The following PIAS3 variants were observed in gnomAD, a reference collection of about 807,000 sequenced individuals.
The protein encoded by PIAS3 is protein inhibitor of activated STAT 3.
Under a neutral mutation model 67.6 loss-of-function variants are expected in PIAS3, and 34 were observed. The ratio of observed to expected loss-of-function variants is 0.50; its 90% CI spans 0.38 to 0.67. PIAS3 has a LOEUF of 0.67. Among genes scored for constraint, PIAS3 ranks in the 30% least tolerant of loss-of-function variants. The pLI is 0.00. For missense variants in PIAS3, 693 were observed against 791.6 expected (o/e 0.88, Z 1.49); for synonymous variants, 341 against 313.8 (o/e 1.09, Z -0.92).
At position 145,854,815 on chromosome 1, in the gene PIAS3, T is replaced by C; in HGVS notation, c.735A>G (p.Thr245=). ...PKRPSRPINI[T]PLARLSATVP... ...CAGTGGCTGAGAGTCGAGCCAGGGGTGTGATGTTGATGGGGCGGCTGGGCC... is the reference window on the plus strand; with the variant it reads ...CAGTGGCTGAGAGTCGAGCCAGGGGCGTGATGTTGATGGGGCGGCTGGGCC... The change falls in exon 6 of 14, where the codon ACA becomes ACG. Residue 245 remains threonine, a synonymous_variant. Transcript: ENST00000393045. 1 of 1,613,598 alleles carries C rather than the reference T, an allele frequency of 6.2e-7. No homozygotes were observed. Among genetic ancestry groups the C allele is most frequent in the Non-Finnish European group, 8.5e-7 (1 of 1,179,898 alleles).
At chr1:145,853,741 G>T in intron 8 of PIAS3, 72 bp downstream of exon 8, 1 of 1,606,584 alleles carries the variant, frequency 6.2e-7, no homozygotes, top group Non-Finnish European at 8.5e-7. Context: ...GTATCCCTAG[G>T]AACCCTCATC....
intron 11 of PIAS3, 33 bp downstream of exon 11, chr1:145,850,738 G>A (rs370170794): frequency 1.9e-4 from 302 of 1,611,054 alleles, no homozygotes; most frequent in Non-Finnish European, 2.4e-4. Flanking sequence ...TCCCCTGTCC[G>A]TTTTGCTGTA....
Position 145,848,890 on chromosome 1 carries a change from C to CTTAT in PIAS3, c.*552_*555dup, listed in dbSNP as rs1416647834. On this transcript the variant is annotated 3_prime_UTR_variant, in exon 14 of 14. Coordinates refer to ENST00000393045, the MANE Select transcript of PIAS3 (RefSeq NM_006099.3). ...TCATCTTTGGAGTATTTTGGTTTTTCTTATTTATGTACAAAAAAGTCCACA... is the reference window on the plus strand; with the variant it reads ...TCATCTTTGGAGTATTTTGGTTTTTCTTATTTATTTATGTACAAAAAAGTCCACA... 1.8e-5 allele frequency: 3 copies of CTTAT among 165,456 alleles called. No homozygotes were observed. The highest frequency in any genetic ancestry group is 7.2e-5 in the African/African-American group (3 of 41,884). 10.2% of individuals were successfully genotyped at this position (165,456 alleles called of 1,614,324 possible).
intron 9 of PIAS3, among the ~76,000 whole-genome samples, 172 bp downstream of exon 9, chr1:145,853,332 C>G (rs1318187380): frequency 6.6e-6 from 1 of 151,594 alleles, no homozygotes; most frequent in Non-Finnish European, 1.5e-5. Context: ...ATCGCCTGAA[C>G]CCGGGAGGTG....
chr1:145,849,331 G>T lies in PIAS3; in HGVS notation c.*115C>A. On this transcript the variant is annotated 3_prime_UTR_variant, in exon 14 of 14. Transcript: ENST00000393045. Reference sequence around the variant, plus strand: ...GAGGCCAAAAGTAGGCATCTGTGAAGGTCTGTCTGGCCCTTGGCCAGAGCC... The same window carrying T: ...GAGGCCAAAAGTAGGCATCTGTGAATGTCTGTCTGGCCCTTGGCCAGAGCC... 9.0e-7 allele frequency: 1 copy of T among 1,105,798 alleles called. No individual in the cohort carries two copies. The highest frequency in any genetic ancestry group is 1.2e-6 in the Non-Finnish European group (1 of 830,728). 68.5% of individuals were successfully genotyped at this position (1,105,798 alleles called of 1,614,324 possible).
At chr1:145,850,021 G>C (rs1027531656) in intron 13 of PIAS3, 5 of 1,442,036 alleles carry the variant, frequency 3.5e-6, no homozygotes, top group Non-Finnish European at 4.5e-6. Context: ...GGCCAGGGCA[G>C]AAAAGTAACA....
intron 4 of PIAS3, 71 bp from the exon 5 acceptor site, chr1:145,855,897 G>T: frequency 1.7e-6 from 2 of 1,154,652 alleles, no homozygotes; most frequent in Non-Finnish European, 2.6e-6. Flanking sequence ...GAGAGACAGG[G>T]AACCCCAGAA....
At chr1:145,858,586 G>A (rs1017118545) in intron 1 of PIAS3, among the ~76,000 whole-genome samples, 5 of 148,992 alleles carry the variant, frequency 3.4e-5, no homozygotes, top group Admixed American at 1.3e-4. Flanking sequence ...ATCCCTGCAT[G>A]TGCCCCCTAC....
intron 1 of PIAS3, 86 bp from the exon 2 acceptor site, chr1:145,857,092 G>T: frequency 8.4e-7 from 1 of 1,189,500 alleles, no homozygotes; most frequent in Non-Finnish European, 1.2e-6. Flanking sequence ...CAGGTGGGCA[G>T]TGCCTTTCTC....
In PIAS3 at chr1:145,851,032, A is replaced by G; in HGVS notation, c.1267T>C (p.Tyr423His). ...GGGGGTCACTCACCATCCAGCCCATACCCTGGCGGGGGGCAAACCTCAGAT... is the reference window on the plus strand; with the variant it reads ...GGGGGTCACTCACCATCCAGCCCATGCCCTGGCGGGGGGCAAACCTCAGAT... ...EASEVCPPPGYGLDGLQYSPV... is the reference protein window; with the variant it reads ...EASEVCPPPGHGLDGLQYSPV... The change falls in exon 10 of 14, where the codon TAT becomes CAT. Residue 423 changes from tyrosine (Y) to histidine (H), a missense_variant. By Grantham distance (83) the Tyr-to-His change is moderately conservative. This residue lies in a region of PIAS3 where 270 missense variants were observed against 261.0 expected (regional missense o/e 1.03). Transcript: ENST00000393045. 1.9e-6 allele frequency: 3 copies of G among 1,614,048 alleles called. No individual in the cohort carries two copies. Among genetic ancestry groups the G allele is most frequent in the Non-Finnish European group, 2.5e-6 (3 of 1,180,004 alleles).
intron 13 of PIAS3, 94 bp downstream of exon 13, chr1:145,850,138 C>T: frequency 6.3e-7 from 1 of 1,591,318 alleles, no homozygotes. Flanking sequence ...AGCAGATTTA[C>T]ATCCCCAGAG....
rs1184802675 is a variant in PIAS3 at position 145,850,153 on chromosome 1, TAA to T, written c.1620+77_1620+78del. On this transcript the variant is annotated intron_variant, in intron 13 of 13. Coordinates refer to ENST00000393045, the MANE Select transcript of PIAS3 (RefSeq NM_006099.3). ...AGCAGATTTACATCCCCAGAGATCA[TAA>T]GAGAGGGAGGGGCCCCATCAGTGTC... 1.7e-5 allele frequency: 27 copies of T among 1,606,666 alleles called. No individual in the cohort carries two copies. The Admixed American group carries it at 3.4e-4, about 21-fold the overall frequency.
chr1:145,853,429 GA>G (rs1653039691), intron 9 of PIAS3, 74 bp downstream of exon 9: 2 of 1,124,812 alleles, frequency 1.8e-6, no homozygotes, highest in Non-Finnish European at 2.5e-6. Flanking sequence ...AAAAAGAAAA[GA>G]AAAAGAAAAA....
chr1:145,859,000 T>C lies in PIAS3; in HGVS notation c.-10A>G. ...CGCCCAGCTCCGCCATCTTGAGACA[T>C]CGCAGGCGCCCCAGCCGGAGCCGGA... is the stretch of plus-strand genomic sequence containing the variant. On this transcript the variant is annotated 5_prime_UTR_variant, in exon 1 of 14. It removes an upstream start codon present in the reference 5' UTR. Coordinates refer to ENST00000393045, the MANE Select transcript of PIAS3 (RefSeq NM_006099.3). The C allele has an allele frequency of 1.3e-6, 2 of 1,543,344 alleles. No individual in the cohort carries two copies. Among genetic ancestry groups the C allele is most frequent in the Non-Finnish European group, 1.7e-6 (2 of 1,145,844 alleles).
intron 5 of PIAS3, 134 bp downstream of exon 5, chr1:145,855,602 T>A: frequency 3.0e-6 from 2 of 656,404 alleles, no homozygotes; most frequent in Non-Finnish European, 5.5e-6. Flanking sequence ...TTCTATTGAT[T>A]CAGTCAGTAA....
chr1:145,848,626 G>A lies in PIAS3; in HGVS notation c.*820C>T. Reference sequence around the variant, plus strand: ...AGGCCTTGGCGAGCCTGAAAAAGAAGATTGGGAAGGAGGGCACAGGGTCCT... The same window carrying A: ...AGGCCTTGGCGAGCCTGAAAAAGAAAATTGGGAAGGAGGGCACAGGGTCCT... On this transcript the variant is annotated 3_prime_UTR_variant, in exon 14 of 14. Transcript: ENST00000393045. 1.6e-6 allele frequency: 1 copy of A among 642,440 alleles called. No individual in the cohort carries two copies. The highest frequency in any genetic ancestry group is 2.7e-5 in the East Asian group (1 of 36,788). 39.8% of individuals were successfully genotyped at this position (642,440 alleles called of 1,614,324 possible). A position where few individuals can be genotyped will look rare whatever the true frequency, so the allele number is the denominator to read the frequency against.
chr1:145,849,528 G>GC lies in PIAS3; in HGVS notation c.1804dup (p.Ala602GlyfsTer42), dbSNP rs782068335. 21 of 1,580,104 alleles carry GC rather than the reference G, an allele frequency of 1.3e-5. No homozygotes were observed. The highest frequency in any genetic ancestry group is 4.6e-5 in the East Asian group (2 of 43,758). The stretch of plus-strand genomic sequence containing the variant: ...GGGTCCTCCATGCCCCTCCCTCAAG[G>GC]CCCCCCCAGGGGCCACAATGCTGCT... On this transcript the variant is annotated frameshift_variant, in exon 14 of 14. Transcript: ENST00000393045. LOFTEE classifies it high-confidence loss of function.
At position 145,856,903 on chromosome 1, in the gene PIAS3, T is replaced by C. The variant is rs1419670592; in HGVS notation, c.128A>G (p.His43Arg). The C allele has an allele frequency of 6.2e-7, 1 of 1,614,088 alleles. No homozygotes were observed. Among genetic ancestry groups the C allele is most frequent in the African/African-American group, 1.3e-5 (1 of 75,012 alleles). The change falls in exon 2 of 14, where the codon CAC becomes CGC. Residue 43 changes from histidine (H) to arginine (R), a missense_variant. His to Arg is a conservative substitution (Grantham distance 29, BLOSUM62 0). This residue lies in a region of PIAS3 where 308 missense variants were observed against 348.8 expected (regional missense o/e 0.88). Coordinates refer to ENST00000393045, the MANE Select transcript of PIAS3 (RefSeq NM_006099.3). ...AGGGGCACAGCTGGACTTCAGGAGG[T>C]GCAGAGCCTTGGCCAGGAGCTCGTG... ...RKHELLAKAL[H>R]LLKSSCAPSV...
chr1:145,858,954 A>G lies in PIAS3; in HGVS notation c.24+13T>C. 6.6e-7 allele frequency: 1 copy of G among 1,520,854 alleles called. No individual in the cohort carries two copies. Among genetic ancestry groups the G allele is most frequent in the Admixed American group, 2.2e-5 (1 of 44,776 alleles). The allele number at this position is 1,520,854 out of a possible 1,614,324, so 94.2% of individuals were successfully genotyped here. ...GCTGAGTCCAGATGGGGATGGGGGG[A>G]GGGGGCCGGTACCTTTAATTCGCCC... On this transcript the variant is annotated intron_variant, in intron 1 of 13. Coordinates refer to ENST00000393045, the MANE Select transcript of PIAS3 (RefSeq NM_006099.3).
Sources: allele counts gnomAD v4.1 joint callset (sites outside exome capture counted in the v4.1 genomes callset), GRCh38; gene constraint gnomAD v4.1.1; regional missense constraint gnomAD v4.1.1; transcripts MANE v1.5; gene names NCBI Gene and HGNC (gene_info 2026-07-23, HGNC 2026-07-21).